DOCK9: variants seen among roughly 807,000 people sequenced by gnomAD.
The protein encoded by DOCK9 is dedicator of cytokinesis 9.
In DOCK9, 89 loss-of-function variants were observed where a neutral mutation model predicts 263.3. The observed-to-expected ratio is 0.34, with a 90% CI of 0.28 to 0.40. The LOEUF (loss-of-function observed/expected upper bound fraction) is 0.40. Ranked by LOEUF, DOCK9 falls within the 10% of genes least tolerant of loss-of-function variation. The probability of loss-of-function intolerance (pLI) is 1.00; values close to 1 mark genes in which losing one functional copy is unlikely to be tolerated. For missense variants in DOCK9, 2,140 were observed against 2,603.4 expected, an observed-to-expected ratio of 0.82 and a Z score of 3.87; for synonymous variants, 976 against 973.1, an observed-to-expected ratio of 1.00 and a Z score of -0.06.
intron 39 of DOCK9, among the ~76,000 whole-genome samples, chr13:98,833,885 CA>C (rs1311489495): frequency 6.6e-6 from 1 of 152,208 alleles, no homozygotes; most frequent in African/African-American, 2.4e-5. Flanking sequence ...GAAAGCCTCA[CA>C]GGGGACAAAA....
intron 1 of DOCK9, among the ~76,000 whole-genome samples, chr13:99,036,230 C>G (rs1018303318): frequency 6.6e-6 from 1 of 152,162 alleles, no homozygotes; most frequent in East Asian, 1.9e-4. Context: ...CTCCCTACCC[C>G]ACCAAATTCT....
At chr13:98,990,290 T>A (rs1029953410) in intron 1 of DOCK9, among the ~76,000 whole-genome samples, 25 of 152,234 alleles carry the variant, frequency 1.6e-4, no homozygotes, top group African/African-American at 5.5e-4. Flanking sequence ...CCATCCAGTG[T>A]TACAGACTTA....
At chr13:98,910,680 C>T (rs1472660027) in intron 9 of DOCK9, among the ~76,000 whole-genome samples, 1 of 152,110 alleles carries the variant, frequency 6.6e-6, no homozygotes, top group Non-Finnish European at 1.5e-5. Context: ...GAAAAGGAAC[C>T]TGCCATGAAA....
chr13:98,798,835 T>A (rs1427682197), intron 50 of DOCK9, among the ~76,000 whole-genome samples: 5 of 152,238 alleles, frequency 3.3e-5, no homozygotes, highest in Admixed American at 2.0e-4. Context: ...TCTTGCTTTT[T>A]AAGATGACTG....
At position 98,904,700 on chromosome 13, in the gene DOCK9, T is replaced by C. The variant is rs2048823074; in HGVS notation, c.967A>G (p.Arg323Gly). ...CTTTTCAGTTTGATTTCTGCTTCTC[T>C]TGCACTCTGATAACAAGATACATGA... ...SYLPELAKSA[R>G]EAEIKLKSES... Residue 323 changes from arginine (R) to glycine (G), a missense_variant, in exon 10 of 53, where the codon AGA becomes GGA. Around this residue, in one of 2 missense-constraint regions of DOCK9, gnomAD observed 1,521 missense variants for 1,741.7 expected, o/e 0.87. Transcript: ENST00000682017. 5.2e-6 allele frequency: 8 copies of C among 1,552,992 alleles called. No individual in the cohort carries two copies. The highest frequency in any genetic ancestry group is 2.0e-5 in the Admixed American group (1 of 50,868).
chr13:99,086,827 C>G (rs1318937596), upstream of DOCK9, among the ~76,000 whole-genome samples: 2 of 150,444 alleles, frequency 1.3e-5, no homozygotes, highest in Admixed American at 6.6e-5. Flanking sequence ...GGCGGCGTGC[C>G]GCGCGGGACC....
chr13:98,844,276 T>C (rs1481431975), intron 38 of DOCK9, among the ~76,000 whole-genome samples: 1 of 151,660 alleles, frequency 6.6e-6, no homozygotes, highest in African/African-American at 2.4e-5. Context: ...TAGCATTTTA[T>C]GGCTACCAAC....
Position 98,947,983 on chromosome 13 carries a change from T to C in DOCK9, c.243+7452A>G, listed in dbSNP as rs369923200. 3.2e-3 allele frequency among the ~76,000 whole-genome samples: 487 copies of C among 152,306 alleles called. 10 individuals are homozygous for C. In the South Asian group the frequency reaches 0.047, roughly 15 times the overall value. On this transcript the variant is annotated intron_variant, in intron 2 of 52. Transcript: ENST00000682017. ...CAATAAAAAGCCAAAAACAAAGTAT[T>C]GAGGGTTTTTTTCTTTTGGCTCTAT...
At chr13:98,979,686 C>A (rs1179381727), upstream of DOCK9, among the ~76,000 whole-genome samples, 1 of 152,104 alleles carries the variant, frequency 6.6e-6, no homozygotes, top group African/African-American at 2.4e-5. Flanking sequence ...AGTCCCCCTA[C>A]CAAATCTGTG....
intron 1 of DOCK9, among the ~76,000 whole-genome samples, chr13:98,963,726 A>G (rs1462677026): frequency 6.6e-6 from 1 of 152,268 alleles, no homozygotes; most frequent in Non-Finnish European, 1.5e-5. Flanking sequence ...TGATAGGCTG[A>G]GATAAAGTTG....
chr13:99,025,670 T>C (rs1886622431), intron 1 of DOCK9, among the ~76,000 whole-genome samples: 1 of 152,242 alleles, frequency 6.6e-6, no homozygotes, highest in Non-Finnish European at 1.5e-5. Context: ...AAACCCAGGT[T>C]ACCGTATGAT....
intron 1 of DOCK9, among the ~76,000 whole-genome samples, chr13:99,025,635 T>C (rs1033254339): frequency 2.6e-5 from 4 of 152,144 alleles, no homozygotes; most frequent in Non-Finnish European, 4.4e-5. Flanking sequence ...CTATGGAAAA[T>C]AGTCTGGCTG....
In DOCK9 at chr13:98,850,057, T is replaced by TA. The variant is rs1344550381; in HGVS notation, c.4002dup (p.Thr1335TyrfsTer4). ...GAGAAAGCTACTTACTCAGATATTG[T>TA]AAAAAAATCCATAAGTTCAGATGTT... On this transcript the variant is annotated frameshift_variant, in exon 36 of 53. Transcript: ENST00000682017. LOFTEE classifies it high-confidence loss of function. 7 of 1,565,370 alleles carry TA rather than the reference T, an allele frequency of 4.5e-6. No individual in the cohort carries two copies. Among genetic ancestry groups the TA allele is most frequent in the Admixed American group, 2.0e-5 (1 of 50,692 alleles).
rs1390344364 is a variant in DOCK9 at position 98,896,504 on chromosome 13, A to C, written c.1709+984T>G. 2.6e-5 allele frequency among the ~76,000 whole-genome samples: 4 copies of C among 152,116 alleles called. No homozygotes were observed. In the East Asian group the frequency reaches 5.8e-4, roughly 22 times the overall value. On this transcript the variant is annotated intron_variant, in intron 15 of 52. Transcript: ENST00000682017. ...TTGATATGCACAAAAAAAAAAAAAA[A>C]CAAGGATACCTTTGGCATAGAATAG...
rs1291057502 is a variant in DOCK9, at chr13:98,999,288, GCGCA to G, written c.130-43741_130-43738del. Among the ~76,000 whole-genome samples the G allele has an allele frequency of 2.0e-4, 28 of 137,680 alleles. No individual in the cohort carries two copies. In the East Asian group the frequency reaches 4.3e-3, roughly 21 times the overall value. 90.3% of individuals were successfully genotyped at this position (137,680 alleles called of 152,430 possible). A position where few individuals can be genotyped will look rare whatever the true frequency, so the allele number is the denominator to read the frequency against. ...TGAACAGATGTGTGCACGCATGCAC[GCGCA>G]CACACACACACACACACACACACAC... On this transcript the variant is annotated intron_variant, in intron 1 of 32. Coordinates refer to the DOCK9 transcript ENST00000427887.
intron 9 of DOCK9, among the ~76,000 whole-genome samples, chr13:98,911,131 G>T (rs2049951768): frequency 6.6e-6 from 1 of 152,184 alleles, no homozygotes; most frequent in Admixed American, 6.5e-5. Flanking sequence ...AGATACCCAT[G>T]TGCTGAGTGA....
At chr13:98,885,855 A>G in intron 19 of DOCK9, 24 bp from the exon 20 acceptor site, 1 of 1,587,632 alleles carries the variant, frequency 6.3e-7, no homozygotes, top group South Asian at 1.2e-5. Context: ...CAAAATAACA[A>G]CAAAATATTC....
chr13:98,914,651 C>G (rs1333526490), intron 8 of DOCK9, among the ~76,000 whole-genome samples: 4 of 152,138 alleles, frequency 2.6e-5, no homozygotes, highest in African/African-American at 7.2e-5. Context: ...TGAACAACAG[C>G]CCACATGGAC....
intron 48 of DOCK9, among the ~76,000 whole-genome samples, chr13:98,806,748 A>C (rs2090761916): frequency 6.6e-6 from 1 of 152,078 alleles, no homozygotes; most frequent in Non-Finnish European, 1.5e-5. Flanking sequence ...GTCTCTACCA[A>C]AAATACAAAA....
Sources: gnomAD v4.1 joint callset for allele counts (sites outside exome capture counted in the v4.1 genomes callset) on GRCh38, gnomAD v4.1.1 for gene constraint, gnomAD v4.1.1 regional missense constraint, MANE v1.5 for transcripts, NCBI Gene and HGNC (gene_info 2026-07-23, HGNC 2026-07-21) for gene names.